The following SIN3A variants were observed in gnomAD, a reference collection of about 807,000 sequenced individuals.
The protein encoded by SIN3A is SIN3 transcription regulator family member A.
SIN3A carries 14 observed loss-of-function variants against 146.1 expected under a neutral mutation model. That is an observed-to-expected ratio of 0.10 (90% CI 0.06 to 0.15). The LOEUF is 0.15. Among genes scored for constraint, SIN3A ranks in the 10% least tolerant of loss-of-function variants. The pLI is 1.00. For missense variants in SIN3A, 1,028 were observed against 1,576.0 expected (o/e 0.65, Z 5.89); for synonymous variants, 572 against 572.0 (o/e 1.00, Z 0.00).
At chr15:75,435,018 C>T (rs1595923544) in intron 1 of SIN3A, among the ~76,000 whole-genome samples, 1 of 151,432 alleles carries the variant, frequency 6.6e-6, no homozygotes. Flanking sequence ...GGTAAGGATA[C>T]AGGGAAACAC....
At position 75,400,348 on chromosome 15, in the gene SIN3A, C is replaced by T. The variant is rs1211754143; in HGVS notation, c.1738-192G>A. ...GCTGAATATAAGCGGAAATATAATT[C>T]CAGTGCTTTGGGAGGACGAAGCAGG... On this transcript the variant is annotated intron_variant, in intron 11 of 20. Coordinates refer to ENST00000394947, the MANE Select transcript of SIN3A (RefSeq NM_001145358.2). Among the ~76,000 whole-genome samples, 6 of 152,172 alleles carry T rather than the reference C, an allele frequency of 3.9e-5. No homozygotes were observed. In the East Asian group the frequency reaches 9.6e-4, roughly 24 times the overall value.
In SIN3A at chr15:75,375,677, G is replaced by A. The variant is rs777090934; in HGVS notation, c.3579C>T (p.Leu1193=). Residue 1193 remains leucine (L), a synonymous_variant, in exon 20 of 21, where the codon CTC becomes CTT. Transcript: ENST00000394947. The part of the protein sequence containing the change: ...EDYMYRRTAL[L]RAHQSHERVS... ...TACTGGTTCTCACCTGATGAGCCCG[G>A]AGCAGGGCGGTCCTCCGATACATAT... The A allele has an allele frequency of 6.2e-7, 1 of 1,614,034 alleles. No homozygotes were observed.
chr15:75,426,159 T>C (rs2073921405), intron 2 of SIN3A, among the ~76,000 whole-genome samples: 1 of 152,220 alleles, frequency 6.6e-6, no homozygotes, highest in Non-Finnish European at 1.5e-5. Flanking sequence ...AAAACAGTCA[T>C]TAACCTGTTT....
At chr15:75,386,179 C>T (rs1225763061) in intron 16 of SIN3A, among the ~76,000 whole-genome samples, 5 of 152,224 alleles carry the variant, frequency 3.3e-5, no homozygotes, top group Non-Finnish European at 7.3e-5. Flanking sequence ...GCATGTGCCA[C>T]CACGCCCAGC....
At chr15:75,404,721 T>C (rs775962961) in intron 9 of SIN3A, among the ~76,000 whole-genome samples, 1 of 151,020 alleles carries the variant, frequency 6.6e-6, no homozygotes, top group Non-Finnish European at 1.5e-5. Flanking sequence ...GATCACACCA[T>C]TGTACCCCAG....
chr15:75,413,172 G>T (rs1437830242), intron 4 of SIN3A, 127 bp from the exon 5 acceptor site: 3 of 868,712 alleles, frequency 3.5e-6, no homozygotes, highest in Admixed American at 3.4e-5. Context: ...GACTGCAATG[G>T]TGCAATCTTG....
chr15:75,408,226 T>C (rs898178903), intron 8 of SIN3A, among the ~76,000 whole-genome samples: 2 of 152,248 alleles, frequency 1.3e-5, no homozygotes, highest in African/African-American at 4.8e-5. Flanking sequence ...AATCCAAGCA[T>C]GGAGTGTATC....
intron 9 of SIN3A, among the ~76,000 whole-genome samples, chr15:75,402,794 C>G (rs536866265): frequency 2.0e-5 from 3 of 152,012 alleles, no homozygotes; most frequent in African/African-American, 4.8e-5. Flanking sequence ...GCTACTACAC[C>G]CGGATAATTT....
intron 3 of SIN3A, among the ~76,000 whole-genome samples, chr15:75,418,329 CTATT>C (rs910735174): frequency 4.7e-5 from 7 of 149,012 alleles, no homozygotes; most frequent in East Asian, 2.0e-4. Context: ...TGCGTCTGGC[CTATT>C]TATTTATTTT....
At chr15:75,417,747 C>G (rs898016932) in intron 3 of SIN3A, among the ~76,000 whole-genome samples, 1 of 152,194 alleles carries the variant, frequency 6.6e-6, no homozygotes, top group Non-Finnish European at 1.5e-5. Context: ...TTAACTGGTG[C>G]TGTGGTCTGA....
intron 9 of SIN3A, among the ~76,000 whole-genome samples, chr15:75,405,091 G>A (rs1368271530): frequency 6.6e-6 from 1 of 152,090 alleles, no homozygotes; most frequent in Non-Finnish European, 1.5e-5. Context: ...AAAAGGCCAG[G>A]TGTGGTGGCT....
chr15:75,430,984 C>G (rs11072547), intron 1 of SIN3A, among the ~76,000 whole-genome samples: 152,259 of 152,260 alleles, frequency 1, 76,129 homozygotes, highest in Non-Finnish European at 1. Flanking sequence ...CACCGAGTTA[C>G]CCAGGATGGT....
chr15:75,393,627 A>G (rs976665395), intron 14 of SIN3A, among the ~76,000 whole-genome samples: 2 of 152,172 alleles, frequency 1.3e-5, no homozygotes, highest in Non-Finnish European at 2.9e-5. Flanking sequence ...TGTCCACCTC[A>G]GCCTCCCAAA....
chr15:75,405,646 G>A (rs1409304283), intron 9 of SIN3A, among the ~76,000 whole-genome samples: 1 of 152,118 alleles, frequency 6.6e-6, no homozygotes, highest in Admixed American at 6.6e-5. Context: ...AGCTGTTTGG[G>A]AGGCTAAGGC....
At chr15:75,394,415 C>T (rs570213808) in intron 14 of SIN3A, among the ~76,000 whole-genome samples, 2 of 152,068 alleles carry the variant, frequency 1.3e-5, no homozygotes, top group East Asian at 1.9e-4. Context: ...AACAGGTAGT[C>T]GGAGAAGTGG....
At chr15:75,375,602 G>C (rs1299975874) in intron 20 of SIN3A, 63 bp downstream of exon 20, 1 of 1,298,306 alleles carries the variant, frequency 7.7e-7, no homozygotes, top group Non-Finnish European at 1.1e-6. Context: ...GAAGACTCTG[G>C]GCCTCCCCTG....
At position 75,413,049 on chromosome 15, in the gene SIN3A, A is replaced by T; in HGVS notation, c.474-4T>A. On this transcript the variant is annotated splice_region_variant and splice_polypyrimidine_tract_variant and intron_variant, in intron 4 of 20. Transcript: ENST00000394947. The stretch of plus-strand genomic sequence containing the variant: ...AATCACTCCTGGGGTGTCGATGCTG[A>T]TAAAAAACAAAAAGAAAAGTGATAA... The T allele has an allele frequency of 6.3e-7, 1 of 1,587,586 alleles. No homozygotes were observed. Among genetic ancestry groups the T allele is most frequent in the East Asian group, 2.3e-5 (1 of 43,738 alleles).
chr15:75,409,566 A>G (rs2073588719), intron 8 of SIN3A, among the ~76,000 whole-genome samples: 1 of 151,714 alleles, frequency 6.6e-6, no homozygotes, highest in Non-Finnish European at 1.5e-5. Flanking sequence ...CTCCACTAAA[A>G]AAAAAAAAAA....
At chr15:75,423,474 C>T (rs1287784675) in intron 2 of SIN3A, among the ~76,000 whole-genome samples, 2 of 152,052 alleles carry the variant, frequency 1.3e-5, no homozygotes, top group East Asian at 1.9e-4. Flanking sequence ...GTCAGGAGAT[C>T]GAGACCATCC....
Sources: allele counts gnomAD v4.1 joint callset (sites outside exome capture counted in the v4.1 genomes callset), GRCh38; gene constraint gnomAD v4.1.1; transcripts MANE v1.5; gene names NCBI Gene and HGNC (gene_info 2026-07-23, HGNC 2026-07-21).